TTC1: variants seen among roughly 807,000 people sequenced by gnomAD.
The protein encoded by TTC1 is tetratricopeptide repeat domain 1.
Under a neutral mutation model 37.6 loss-of-function variants are expected in TTC1, and 31 were observed. The observed-to-expected ratio is 0.82, with a 90% CI of 0.62 to 1.11. The LOEUF (loss-of-function observed/expected upper bound fraction) is 1.11. TTC1 is among the 50% of genes most tolerant of loss of function. The pLI is 0.00. For missense variants in TTC1, 351 were observed against 339.0 expected (o/e 1.04, Z -0.28); for synonymous variants, 127 against 122.4 (o/e 1.04, Z -0.25).
chr5:160,028,181 C>T (rs1756842017), intron 2 of TTC1, among the ~76,000 whole-genome samples: 1 of 151,840 alleles, frequency 6.6e-6, no homozygotes, highest in Non-Finnish European at 1.5e-5. Context: ...TGCCTGTAGT[C>T]CCAGCTACTC....
In TTC1 at chr5:160,010,532, G is replaced by C. The variant is rs778149258; in HGVS notation, c.4G>C (p.Gly2Arg). ...GTCACCTCCCTCACTGGGCAGCATG[G>C]GGGAGAAGTCAGAGAACTGTGGGGT... MGEKSENCGVPE... is the reference protein window; with the variant it reads MREKSENCGVPE... The change falls in exon 2 of 8, where the codon GGG becomes CGG. Residue 2 changes from glycine to arginine, a missense_variant. Coordinates refer to ENST00000231238, the MANE Select transcript of TTC1 (RefSeq NM_003314.3). 5 of 1,611,620 alleles carry C rather than the reference G, an allele frequency of 3.1e-6. No individual in the cohort carries two copies. The highest frequency in any genetic ancestry group is 3.4e-6 in the Non-Finnish European group (4 of 1,178,076).
intron 2 of TTC1, among the ~76,000 whole-genome samples, chr5:160,026,325 A>C (rs1756804541): frequency 6.6e-6 from 1 of 152,218 alleles, no homozygotes; most frequent in Admixed American, 6.5e-5. Flanking sequence ...GCAACAGTGT[A>C]CTAAGCTGTA....
intron 2 of TTC1, among the ~76,000 whole-genome samples, chr5:160,013,946 A>G (rs750498925): frequency 1.3e-5 from 2 of 152,186 alleles, no homozygotes; most frequent in Non-Finnish European, 2.9e-5. Context: ...CTCTTCTACA[A>G]GGATAGGAAT....
intron 7 of TTC1, among the ~76,000 whole-genome samples, chr5:160,064,552 ACC>A (rs1753541642): frequency 1.3e-5 from 2 of 152,236 alleles, no homozygotes; most frequent in South Asian, 4.1e-4. Context: ...TACCAGGCAG[ACC>A]TGGCTTGGCA....
At chr5:160,011,833 T>C (rs1756506812) in intron 2 of TTC1, among the ~76,000 whole-genome samples, 1 of 152,020 alleles carries the variant, frequency 6.6e-6, no homozygotes, top group Admixed American at 6.5e-5. Context: ...AGGAGCTCAC[T>C]CACTGAACAG....
chr5:160,019,301 T>C (rs1756660247), intron 2 of TTC1, among the ~76,000 whole-genome samples: 1 of 152,196 alleles, frequency 6.6e-6, no homozygotes, highest in Non-Finnish European at 1.5e-5. Context: ...TTATCAAAGC[T>C]TAGAAGTTTC....
At position 160,057,445 on chromosome 5, in the gene TTC1, T is replaced by C. The variant is rs1463757165; in HGVS notation, c.745+6262T>C. On this transcript the variant is annotated intron_variant, in intron 7 of 7. Transcript: ENST00000231238. This position sits in a 1 kb window ranked among gnomAD's most constrained non-coding sequence, Gnocchi z 4.4. ...TACATACCTTAATTTTAAAATACAT[T>C]ATTAAAAAATGCTGACGATGAGCCC... 6.6e-6 allele frequency among the ~76,000 whole-genome samples: 1 copy of C among 152,070 alleles called. No homozygotes were observed. Among genetic ancestry groups the C allele is most frequent in the Non-Finnish European group, 1.5e-5 (1 of 68,022 alleles).
At chr5:160,009,811 A>G (rs1004247846) in intron 1 of TTC1, among the ~76,000 whole-genome samples, 5 of 152,058 alleles carry the variant, frequency 3.3e-5, no homozygotes, top group African/African-American at 9.7e-5. Flanking sequence ...TTCCAGTGTA[A>G]GCTGAGTGGG....
At chr5:160,043,104 A>T (rs1460867099) in intron 4 of TTC1, 29 bp from the exon 5 acceptor site, 1 of 1,610,906 alleles carries the variant, frequency 6.2e-7, no homozygotes, top group South Asian at 1.1e-5. Flanking sequence ...AACTAGGGCA[A>T]CACATATTAA....
chr5:160,023,452 C>T (rs1756747938), intron 2 of TTC1, among the ~76,000 whole-genome samples: 1 of 152,018 alleles, frequency 6.6e-6, no homozygotes, highest in South Asian at 2.1e-4. Context: ...CCACCACGCC[C>T]AGCTAATTTT....
chr5:160,051,098 T>TA (rs772375231), intron 6 of TTC1, 31 bp from the exon 7 acceptor site: 6 of 1,433,500 alleles, frequency 4.2e-6, no homozygotes, highest in African/African-American at 1.5e-5. Context: ...TTTTTTTTTT[T>TA]ACCAACCCTT....
Position 160,045,454 on chromosome 5 carries a change from CCACACACACACACACA to C in TTC1, c.541+2330_541+2345del, listed in dbSNP as rs57919333. Among the ~76,000 whole-genome samples the C allele has an allele frequency of 1.9e-3, 74 of 38,902 alleles. 2 individuals are homozygous for C. Among genetic ancestry groups the C allele is most frequent in the African/African-American group, 2.9e-3 (25 of 8,758 alleles). 25.5% of individuals were successfully genotyped at this position (38,902 alleles called of 152,430 possible). A position where few individuals can be genotyped will look rare whatever the true frequency, so the allele number is the denominator to read the frequency against. ...GAGAGCCCCCGACATCCCCCACCCT[CCACACACACACACACA>C]CACACACACACACACACACACACAC... On this transcript the variant is annotated intron_variant, in intron 5 of 7. Coordinates refer to ENST00000231238, the MANE Select transcript of TTC1 (RefSeq NM_003314.3).
intron 7 of TTC1, among the ~76,000 whole-genome samples, chr5:160,054,369 T>G (rs1328244370): frequency 6.6e-6 from 1 of 152,166 alleles, no homozygotes; most frequent in Non-Finnish European, 1.5e-5. Context: ...ATCCTAACAT[T>G]TTGGGAGGCC....
intron 2 of TTC1, among the ~76,000 whole-genome samples, 158 bp downstream of exon 2, chr5:160,011,016 C>A (rs547166939): frequency 6.6e-6 from 1 of 152,102 alleles, no homozygotes; most frequent in African/African-American, 2.4e-5. Flanking sequence ...AAATCGGTGG[C>A]GTGACAGGGA....
chr5:160,058,439 C>G (rs1365480938), intron 7 of TTC1, among the ~76,000 whole-genome samples: 8 of 138,430 alleles, frequency 5.8e-5, no homozygotes, highest in Non-Finnish European at 1.1e-4. Context: ...GAGACGGAGT[C>G]TCGCTGTGTC....
chr5:160,046,761 C>A (rs1322297347), intron 5 of TTC1, among the ~76,000 whole-genome samples: 1 of 152,174 alleles, frequency 6.6e-6, no homozygotes. Flanking sequence ...CGCCTGTAAT[C>A]CCAACACTTT....
At chr5:160,062,768 A>T (rs1209491261) in intron 7 of TTC1, among the ~76,000 whole-genome samples, 1 of 151,378 alleles carries the variant, frequency 6.6e-6, no homozygotes, top group East Asian at 1.9e-4. Flanking sequence ...AGAGCCAAGG[A>T]TTTCCCAGTA....
rs1173391760 is a variant in TTC1, at chr5:160,065,479, A to G, written c.*414A>G. On this transcript the variant is annotated 3_prime_UTR_variant, in exon 8 of 8. Coordinates refer to ENST00000231238, the MANE Select transcript of TTC1 (RefSeq NM_003314.3). The stretch of plus-strand genomic sequence containing the variant: ...CCTGCTGTCCCCTCCCTGATCACAC[A>G]GCTAACGAGGCTGCCTCCAGCATTT... The G allele has an allele frequency of 2.2e-6, 1 of 448,742 alleles. No individual in the cohort carries two copies. The highest frequency in any genetic ancestry group is 4.4e-6 in the Non-Finnish European group (1 of 224,764). 27.8% of individuals were successfully genotyped at this position (448,742 alleles called of 1,614,324 possible).
In TTC1 at chr5:160,018,700, C is replaced by T. The variant is rs370264734; in HGVS notation, c.330+7842C>T. ...TGGATAATTTTAAGCCAGGGAGAGA[C>T]GGAAGTTATTTACATTTTAATAAGA... On this transcript the variant is annotated intron_variant, in intron 2 of 7. Transcript: ENST00000231238. 9.2e-5 allele frequency among the ~76,000 whole-genome samples: 14 copies of T among 152,014 alleles called. No individual in the cohort carries two copies. The South Asian group carries it at 1.7e-3, about 18-fold the overall frequency.
Sources: allele counts gnomAD v4.1 joint callset (sites outside exome capture counted in the v4.1 genomes callset), GRCh38; gene constraint gnomAD v4.1.1; non-coding constraint Gnocchi (gnomAD v3.1); transcripts MANE v1.5; gene names NCBI Gene and HGNC (gene_info 2026-07-23, HGNC 2026-07-21).